The following SORCS1 variants were observed in gnomAD, a reference collection of about 807,000 sequenced individuals.
SORCS1 encodes the protein VPS10 domain-containing receptor SorCS1.
A neutral mutation model predicts 146.1 loss-of-function variants in SORCS1; 60 were observed. That is an observed-to-expected ratio of 0.41 (90% CI 0.33 to 0.51). The LOEUF (loss-of-function observed/expected upper bound fraction) is 0.51. Among genes scored for constraint, SORCS1 ranks in the 20% least tolerant of loss-of-function variants. SORCS1 has a pLI of 0.21. For missense variants in SORCS1, 1,352 were observed against 1,487.6 expected (o/e 0.91, Z 1.50); for synonymous variants, 637 against 584.0 (o/e 1.09, Z -1.31).
chr10:106,788,234 A>G (rs1466620166), intron 3 of SORCS1, among the ~76,000 whole-genome samples: 2 of 152,156 alleles, frequency 1.3e-5, no homozygotes, highest in Non-Finnish European at 2.9e-5. Flanking sequence ...AGGAATTACA[A>G]TTCAAGATGA....
intron 6 of SORCS1, among the ~76,000 whole-genome samples, chr10:106,717,866 C>A (rs75182152): frequency 0.035 from 5,275 of 152,328 alleles, 122 homozygotes; most frequent in Middle Eastern, 0.071. Flanking sequence ...ATCCTCATAC[C>A]TCTGCACAGA....
chr10:106,669,955 C>T (rs1422747090), intron 16 of SORCS1, among the ~76,000 whole-genome samples: 2 of 152,216 alleles, frequency 1.3e-5, no homozygotes, highest in Non-Finnish European at 2.9e-5. Flanking sequence ...TACACAGTAT[C>T]TCAGTTCAGT....
chr10:107,024,173 CAAAAAAAA>C (rs60404386), intron 1 of SORCS1, among the ~76,000 whole-genome samples: 2 of 94,560 alleles, frequency 2.1e-5, no homozygotes, highest in Non-Finnish European at 2.2e-5. Flanking sequence ...GATTCCATCT[CAAAAAAAA>C]AAAAAAAAAA....
At position 107,060,804 on chromosome 10, in the gene SORCS1, T is replaced by TGAAA. The variant is rs1291095770; in HGVS notation, c.558+103164_558+103165insTTTC. Among the ~76,000 whole-genome samples, 1 of 152,182 alleles carries TGAAA rather than the reference T, an allele frequency of 6.6e-6. No individual in the cohort carries two copies. Among genetic ancestry groups the TGAAA allele is most frequent in the African/African-American group, 2.4e-5 (1 of 41,452 alleles). ...TATTATCTCATACCGTGTCTTTCTTTTCAATGAGATTTTTAAGGAGCTTTA... is the reference window on the plus strand; with the variant it reads ...TATTATCTCATACCGTGTCTTTCTTTGAAATCAATGAGATTTTTAAGGAGCTTTA... On this transcript the variant is annotated intron_variant, in intron 1 of 25. Coordinates refer to ENST00000263054, the MANE Select transcript of SORCS1 (RefSeq NM_052918.5). The surrounding 1 kb of genome is among the most constrained non-coding windows in gnomAD (Gnocchi z 4.1).
At chr10:106,907,521 T>G (rs1951961398) in intron 2 of SORCS1, among the ~76,000 whole-genome samples, 1 of 152,206 alleles carries the variant, frequency 6.6e-6, no homozygotes, top group Non-Finnish European at 1.5e-5. Flanking sequence ...TTATTTCAAT[T>G]ATTTTAATAT....
chr10:107,026,587 C>A (rs1306373286), intron 1 of SORCS1, among the ~76,000 whole-genome samples: 2 of 150,628 alleles, frequency 1.3e-5, no homozygotes, highest in Non-Finnish European at 2.9e-5. Flanking sequence ...CACCACACTC[C>A]AGCCTGGGCC....
rs1859241967 is a variant in SORCS1, at chr10:106,762,833, C to A, written c.886-1172G>T. Among the ~76,000 whole-genome samples, 3 of 152,100 alleles carry A rather than the reference C, an allele frequency of 2.0e-5. No individual in the cohort carries two copies. In the South Asian group the frequency reaches 6.2e-4, roughly 32 times the overall value. On this transcript the variant is annotated intron_variant, in intron 4 of 25. Coordinates refer to ENST00000263054, the MANE Select transcript of SORCS1 (RefSeq NM_052918.5). ...AGAGATAACAGAAGATGGGACAGGTCACACTGTCTTAACTGAGAACTCAAA... is the reference window on the plus strand; with the variant it reads ...AGAGATAACAGAAGATGGGACAGGTAACACTGTCTTAACTGAGAACTCAAA...
At chr10:106,961,750 C>G (rs4918272) in intron 1 of SORCS1, among the ~76,000 whole-genome samples, 110,568 of 152,082 alleles carry the variant, frequency 0.73, 40,345 homozygotes, top group East Asian at 0.81. Context: ...GCAACACCTG[C>G]AAGTTACCAC....
At chr10:106,689,816 T>C (rs1853159448) in intron 9 of SORCS1, among the ~76,000 whole-genome samples, 1 of 152,154 alleles carries the variant, frequency 6.6e-6, no homozygotes, top group Admixed American at 6.6e-5. Context: ...GAGGTTGGGT[T>C]TCAATCGATA....
intron 17 of SORCS1, among the ~76,000 whole-genome samples, chr10:106,654,955 C>A (rs1489943910): frequency 2.0e-5 from 3 of 152,052 alleles, no homozygotes; most frequent in Non-Finnish European, 2.9e-5. Context: ...CTCCTGGGTT[C>A]AAGCGATTCT....
intron 1 of SORCS1, among the ~76,000 whole-genome samples, chr10:107,013,873 C>A (rs1401445913): frequency 6.6e-6 from 1 of 152,136 alleles, no homozygotes; most frequent in African/African-American, 2.4e-5. Context: ...CCAAGTGACT[C>A]TTGACTCTAG....
chr10:106,827,098 C>T (rs1948339401), intron 3 of SORCS1, among the ~76,000 whole-genome samples: 1 of 152,016 alleles, frequency 6.6e-6, no homozygotes, highest in African/African-American at 2.4e-5. Context: ...TGGACTTGAG[C>T]ATCTCACTCC....
chr10:106,877,273 G>A (rs910713927), intron 2 of SORCS1, among the ~76,000 whole-genome samples: 15 of 152,148 alleles, frequency 9.9e-5, no homozygotes, highest in Admixed American at 6.5e-5. Context: ...TTTTGAACAA[G>A]TAGAACTCTA....
At chr10:106,728,550 C>CA (rs1171378850) in intron 6 of SORCS1, among the ~76,000 whole-genome samples, 3 of 152,052 alleles carry the variant, frequency 2.0e-5, no homozygotes, top group African/African-American at 7.2e-5. Flanking sequence ...CTGACTCTGT[C>CA]AAAAAATATA....
At chr10:106,633,394 G>C (rs1250640453) in intron 18 of SORCS1, among the ~76,000 whole-genome samples, 2 of 152,064 alleles carry the variant, frequency 1.3e-5, no homozygotes, top group African/African-American at 4.8e-5. Context: ...ACTGTACTGT[G>C]CTATAGAATA....
At chr10:106,902,020 G>A (rs1248317902) in intron 2 of SORCS1, among the ~76,000 whole-genome samples, 5 of 151,850 alleles carry the variant, frequency 3.3e-5, no homozygotes, top group African/African-American at 1.2e-4. Flanking sequence ...CTCTAGTTTG[G>A]GTGACAGAGC....
intron 14 of SORCS1, among the ~76,000 whole-genome samples, chr10:106,673,430 G>A (rs778123421): frequency 7.2e-5 from 11 of 152,040 alleles, no homozygotes; most frequent in South Asian, 4.1e-4. Context: ...GCACTTGGCC[G>A]AGGAGGGTAC....
intron 1 of SORCS1, among the ~76,000 whole-genome samples, chr10:107,009,728 A>G (rs1180493215): frequency 1.3e-5 from 2 of 152,238 alleles, no homozygotes; most frequent in African/African-American, 4.8e-5. Context: ...TAATATGCAC[A>G]AAAGTATTTT....
At chr10:107,127,658 G>T (rs1275566565) in intron 1 of SORCS1, among the ~76,000 whole-genome samples, 1 of 152,126 alleles carries the variant, frequency 6.6e-6, no homozygotes, top group East Asian at 1.9e-4. Flanking sequence ...CACCTCACTT[G>T]TGCTTCCATC....
Sources: gnomAD v4.1 joint callset for allele counts (sites outside exome capture counted in the v4.1 genomes callset) on GRCh38, gnomAD v4.1.1 for gene constraint, Gnocchi (gnomAD v3.1) non-coding constraint, MANE v1.5 for transcripts, NCBI Gene and HGNC (gene_info 2026-07-23, HGNC 2026-07-21) for gene names.